Variants in LARGE1 observed in about 807,000 individuals in gnomAD.
LARGE1 encodes the protein LARGE xylosyl- and glucuronyltransferase 1.
In LARGE1, 43 loss-of-function variants were observed where a neutral mutation model predicts 87.6. The observed-to-expected ratio is 0.49, with a 90% CI of 0.38 to 0.63. The LOEUF (loss-of-function observed/expected upper bound fraction) is 0.63, where lower values mean the gene tolerates loss of function less well. Ranked by LOEUF, LARGE1 falls within the 30% of genes least tolerant of loss-of-function variation. The pLI, the probability that LARGE1 is intolerant of heterozygous loss-of-function variation, is 0.00. For synonymous variants in LARGE1, 434 were observed against 394.6 expected (o/e 1.10, Z -1.18); for missense variants, 802 against 1,000.2 (o/e 0.80, Z 2.67).
intron 1 of LARGE1, among the ~76,000 whole-genome samples, chr22:33,903,732 G>C (rs1601884874): frequency 6.6e-6 from 1 of 152,156 alleles, no homozygotes; most frequent in Non-Finnish European, 1.5e-5. Context: ...GGCTGAGGCA[G>C]GAGAATCACT....
At chr22:33,756,298 T>C (rs2084511229) in intron 2 of LARGE1, among the ~76,000 whole-genome samples, 2 of 152,136 alleles carry the variant, frequency 1.3e-5, no homozygotes, top group South Asian at 4.1e-4. Flanking sequence ...CTACAGTAGG[T>C]GCTAGAGGTG....
At chr22:33,079,384 C>T in the LARGE1 span, among the ~76,000 whole-genome samples, 3,633 of 151,796 alleles carry the variant, frequency 0.024, 61 homozygotes, top group Non-Finnish European at 0.031. Context: ...CCCGCCACCA[C>T]GCCCGGATAA....
chr22:33,613,797 G>A (rs779549609), intron 4 of LARGE1, among the ~76,000 whole-genome samples: 4 of 152,230 alleles, frequency 2.6e-5, no homozygotes, highest in Non-Finnish European at 4.4e-5. Context: ...ACCTGACACA[G>A]TAAGGAGGGG....
intron 6 of LARGE1, among the ~76,000 whole-genome samples, chr22:33,458,160 G>A (rs1478173130): frequency 1.3e-5 from 2 of 148,526 alleles, no homozygotes; most frequent in East Asian, 3.9e-4. Flanking sequence ...AGGCTGGAGT[G>A]CAGTGGCATG....
At chr22:33,538,457 G>C (rs1380293261) in intron 6 of LARGE1, among the ~76,000 whole-genome samples, 3 of 152,152 alleles carry the variant, frequency 2.0e-5, no homozygotes, top group Non-Finnish European at 2.9e-5. Flanking sequence ...TTTCTGAGCT[G>C]AATTGAAGCT....
In LARGE1 at chr22:33,836,330, T is replaced by C. The variant is rs115274673; in HGVS notation, c.-82-74772A>G. ...ACCAGTTGCAGAGTTATTAGGAGGA[T>C]TAAATACAGTAACAAATGCCTGGCA... On this transcript the variant is annotated intron_variant, in intron 1 of 14. Coordinates refer to ENST00000397394, the MANE Select transcript of LARGE1 (RefSeq NM_133642.5). Among the ~76,000 whole-genome samples the C allele has an allele frequency of 3.6e-3, 542 of 152,234 alleles. 6 individuals carry two copies. Among genetic ancestry groups the C allele is most frequent in the African/African-American group, 0.012 (515 of 41,546 alleles).
chr22:33,813,826 T>C (rs187061753), intron 1 of LARGE1, among the ~76,000 whole-genome samples: 5 of 152,122 alleles, frequency 3.3e-5, no homozygotes, highest in African/African-American at 1.2e-4. Context: ...AAATACCTTA[T>C]AGGAAAATCT....
At chr22:33,639,030 CAACT>C (rs2080352887) in intron 3 of LARGE1, among the ~76,000 whole-genome samples, 1 of 152,180 alleles carries the variant, frequency 6.6e-6, no homozygotes, top group African/African-American at 2.4e-5. Context: ...GTGACCATTT[CAACT>C]AACAGAATCC....
chr22:33,838,733 G>C (rs2063182907), intron 1 of LARGE1, among the ~76,000 whole-genome samples: 2 of 152,178 alleles, frequency 1.3e-5, no homozygotes, highest in Admixed American at 1.3e-4. Flanking sequence ...CTACTGGTGG[G>C]GAGTTCCAGA....
intron 10 of LARGE1, among the ~76,000 whole-genome samples, chr22:33,317,205 C>G (rs1040544973): frequency 6.6e-6 from 1 of 152,036 alleles, no homozygotes; most frequent in Non-Finnish European, 1.5e-5. Context: ...CAGAGTGAGA[C>G]TCCAACTCAA....
At chr22:33,290,316 G>A (rs922124340) in intron 12 of LARGE1, among the ~76,000 whole-genome samples, 1 of 152,180 alleles carries the variant, frequency 6.6e-6, no homozygotes, top group Admixed American at 6.5e-5. Context: ...GCCTAGTTCT[G>A]ACAACTTCAC....
At chr22:33,154,460 G>A in the LARGE1 span, among the ~76,000 whole-genome samples, 4 of 152,024 alleles carry the variant, frequency 2.6e-5, no homozygotes, top group Non-Finnish European at 5.9e-5. Context: ...GGCTGGTCTC[G>A]AACTCCTGAC....
chr22:33,075,946 C>G, the LARGE1 span, among the ~76,000 whole-genome samples: 1 of 152,074 alleles, frequency 6.6e-6, no homozygotes, highest in Non-Finnish European at 1.5e-5. Flanking sequence ...ACGTTTACTG[C>G]GAGTGAGTCA....
chr22:33,589,141 A>G (rs2078762561), intron 5 of LARGE1, among the ~76,000 whole-genome samples: 1 of 152,322 alleles, frequency 6.6e-6, no homozygotes, highest in Middle Eastern at 3.4e-3. Context: ...AGGAAAGGCT[A>G]GGGCCCACGG....
intron 11 of LARGE1, among the ~76,000 whole-genome samples, chr22:33,260,414 T>G (rs1927563435): frequency 6.6e-6 from 1 of 152,274 alleles, no homozygotes; most frequent in African/African-American, 2.4e-5. Flanking sequence ...ATGTGCTAGC[T>G]GGAAGGCATG....
chr22:33,526,584 C>T (rs753672318), intron 6 of LARGE1, among the ~76,000 whole-genome samples: 13 of 152,334 alleles, frequency 8.5e-5, no homozygotes, highest in East Asian at 1.9e-4. Flanking sequence ...GTGCAGTATC[C>T]GTGTGCTCTC....
chr22:33,595,442 G>A (rs572166958), intron 5 of LARGE1, among the ~76,000 whole-genome samples: 2 of 152,280 alleles, frequency 1.3e-5, no homozygotes, highest in African/African-American at 4.8e-5. Flanking sequence ...GCTGTGATTT[G>A]CAGAACCACA....
At chr22:33,339,147 C>CAAAAA (rs1329158055) in intron 9 of LARGE1, among the ~76,000 whole-genome samples, 2 of 92,592 alleles carry the variant, frequency 2.2e-5, no homozygotes, top group African/African-American at 9.4e-5. Flanking sequence ...GACTCCGTCT[C>CAAAAA]AAAAAATAAA....
rs56262703 is a variant in LARGE1 at position 33,183,620 on chromosome 22, G to GCACACACA, written c.1731-16796_1731-16789dup. Among the ~76,000 whole-genome samples, 406 of 137,908 alleles carry GCACACACA rather than the reference G, an allele frequency of 2.9e-3. 1 individual carries two copies. The highest frequency in any genetic ancestry group is 0.011 in the African/African-American group (384 of 34,122). The allele number at this position is 137,908 out of a possible 152,430, so 90.5% of individuals were successfully genotyped here. On this transcript the variant is annotated intron_variant, in intron 11 of 11. Transcript: ENST00000608642. ...GGATAAAACACACACACACACACAC[G>GCACACACA]CACACACACACACACACACACACAC...
Sources: allele counts gnomAD v4.1 joint callset (sites outside exome capture counted in the v4.1 genomes callset), GRCh38; gene constraint gnomAD v4.1.1; transcripts MANE v1.5; gene names NCBI Gene and HGNC (gene_info 2026-07-23, HGNC 2026-07-21).